NELL1: variants seen among roughly 807,000 people sequenced by gnomAD.
NELL1 encodes the protein protein kinase C-binding protein NELL1.
In NELL1, 76 loss-of-function variants were observed where a neutral mutation model predicts 107.4. The ratio of observed to expected loss-of-function variants is 0.71; its 90% confidence interval spans 0.59 to 0.86. The LOEUF (loss-of-function observed/expected upper bound fraction) is 0.86. Among genes scored for constraint, NELL1 ranks in the 40% least tolerant of loss-of-function variants. The pLI, the probability that NELL1 is intolerant of heterozygous loss-of-function variation, is 0.00. For missense variants in NELL1, 1,024 were observed against 1,005.5 expected, an observed-to-expected ratio of 1.02 and a Z score of -0.25; for synonymous variants, 353 against 341.2, an observed-to-expected ratio of 1.03 and a Z score of -0.38.
At chr11:20,740,329 A>G (rs1855862346) in intron 2 of NELL1, among the ~76,000 whole-genome samples, 1 of 152,210 alleles carries the variant, frequency 6.6e-6, no homozygotes, top group African/African-American at 2.4e-5. Context: ...GGATGAAGAC[A>G]GACTGAGCAG....
intron 15 of NELL1, among the ~76,000 whole-genome samples, chr11:21,421,411 AC>A (rs1417790782): frequency 2.0e-5 from 3 of 152,118 alleles, no homozygotes; most frequent in African/African-American, 7.2e-5. Flanking sequence ...ACTCTGTGGC[AC>A]ATGCATGTGT....
chr11:21,052,208 T>C (rs1375314226), intron 12 of NELL1, among the ~76,000 whole-genome samples: 2 of 151,684 alleles, frequency 1.3e-5, no homozygotes, highest in African/African-American at 4.8e-5. Context: ...TGGGGGAAAG[T>C]GGGATGTGAA....
intron 2 of NELL1, among the ~76,000 whole-genome samples, chr11:20,724,990 GAA>G (rs1564881054): frequency 1.3e-5 from 2 of 152,206 alleles, no homozygotes; most frequent in African/African-American, 2.4e-5. Context: ...TGGCAGGAGA[GAA>G]AGAGAATGAG....
intron 14 of NELL1, among the ~76,000 whole-genome samples, chr11:21,321,048 A>G (rs1849998305): frequency 6.6e-6 from 1 of 152,178 alleles, no homozygotes; most frequent in Admixed American, 6.5e-5. Flanking sequence ...CTTTGACATT[A>G]ATTTCCACAG....
intron 3 of NELL1, among the ~76,000 whole-genome samples, 184 bp from the exon 4 acceptor site, chr11:20,847,399 G>T (rs556267596): frequency 6.6e-6 from 1 of 152,184 alleles, no homozygotes; most frequent in Non-Finnish European, 1.5e-5. Flanking sequence ...ATGTTGCCAC[G>T]AGGGTTCTCA....
intron 14 of NELL1, among the ~76,000 whole-genome samples, chr11:21,369,362 A>ATTTTTT (rs34302489): frequency 2.7e-5 from 3 of 110,410 alleles, no homozygotes; most frequent in African/African-American, 3.3e-5. Context: ...GGTAGGTACT[A>ATTTTTT]TTTTTTTTTT....
chr11:21,119,582 A>G (rs1015396575), intron 13 of NELL1, among the ~76,000 whole-genome samples: 1 of 151,970 alleles, frequency 6.6e-6, no homozygotes, highest in African/African-American at 2.4e-5. Flanking sequence ...TTGGCCTTTG[A>G]AAGGGTGAAA....
In NELL1 at chr11:21,039,030, G is replaced by A. The variant is rs77733595; in HGVS notation, c.1301-74559G>A. ...CCACTTTGAGTAACACTGGGTTAGA[G>A]GATGAAGAAGGATCAAAAAGATCAA... On this transcript the variant is annotated intron_variant, in intron 12 of 19. Transcript: ENST00000357134. Among the ~76,000 whole-genome samples the A allele has an allele frequency of 8.6e-3, 1,307 of 152,194 alleles. 15 individuals are homozygous for A. The highest frequency in any genetic ancestry group is 0.014 in the Middle Eastern group (4 of 294).
At chr11:21,115,893 C>T (rs1034947912) in intron 13 of NELL1, among the ~76,000 whole-genome samples, 7 of 151,984 alleles carry the variant, frequency 4.6e-5, no homozygotes, top group African/African-American at 1.7e-4. Context: ...TGTGGATTTT[C>T]ATAGGTCACA....
At chr11:21,122,934 G>A (rs1030259098) in intron 13 of NELL1, among the ~76,000 whole-genome samples, 20 of 152,182 alleles carry the variant, frequency 1.3e-4, no homozygotes, top group Admixed American at 2.0e-4. Flanking sequence ...AATCCTCAGT[G>A]GAACAGATTC....
At chr11:21,463,395 G>A in intron 15 of NELL1, among the ~76,000 whole-genome samples, 1 of 152,028 alleles carries the variant, frequency 6.6e-6, no homozygotes, top group East Asian at 1.9e-4. Context: ...CATCAATCAG[G>A]GTCAAAGAAT....
chr11:21,079,748 C>A (rs773059977), intron 12 of NELL1, among the ~76,000 whole-genome samples: 4 of 152,056 alleles, frequency 2.6e-5, no homozygotes, highest in Non-Finnish European at 4.4e-5. Flanking sequence ...AAATTCATAT[C>A]TTTGCATATT....
chr11:20,933,252 G>A (rs1480002257), intron 9 of NELL1, among the ~76,000 whole-genome samples: 1 of 152,216 alleles, frequency 6.6e-6, no homozygotes, highest in East Asian at 1.9e-4. Context: ...AAGGATGTGG[G>A]TGACAGCCAA....
chr11:20,779,220 A>G (rs942425286), intron 2 of NELL1, among the ~76,000 whole-genome samples: 9 of 152,208 alleles, frequency 5.9e-5, no homozygotes, highest in African/African-American at 2.2e-4. Context: ...ATGGATGTCA[A>G]TGATGGGTGT....
chr11:21,359,887 G>C (rs1012804152), intron 14 of NELL1, among the ~76,000 whole-genome samples: 3 of 151,798 alleles, frequency 2.0e-5, no homozygotes, highest in African/African-American at 7.3e-5. Context: ...CTTCTTTCTT[G>C]GTTAATATCA....
chr11:21,061,037 A>T (rs1020841553), intron 12 of NELL1, among the ~76,000 whole-genome samples: 6 of 152,078 alleles, frequency 3.9e-5, no homozygotes, highest in Non-Finnish European at 5.9e-5. Context: ...GCCTGGCCCC[A>T]CCCTTTCTTT....
intron 1 of NELL1, among the ~76,000 whole-genome samples, chr11:20,676,184 C>A (rs985743132): frequency 1.4e-4 from 21 of 152,264 alleles, no homozygotes; most frequent in African/African-American, 5.1e-4. Flanking sequence ...TTCCTCCCAT[C>A]TTGCCTTTTC....
chr11:21,254,319 T>C (rs1324898938), intron 14 of NELL1, among the ~76,000 whole-genome samples: 9 of 151,986 alleles, frequency 5.9e-5, no homozygotes, highest in African/African-American at 2.2e-4. Context: ...AATATGATGA[T>C]AGAAAAAAGC....
Position 20,772,332 on chromosome 11 carries a change from T to C in NELL1, c.185-11348T>C, listed in dbSNP as rs548804665. Among the ~76,000 whole-genome samples the C allele has an allele frequency of 4.6e-5, 7 of 152,270 alleles. No homozygotes were observed. In the South Asian group the frequency reaches 1.5e-3, roughly 32 times the overall value. Reference sequence around the variant, plus strand: ...GGACTAGGGAAGCCAAACAGAAATATACACAATAAGCTACAAAGTTGGAGT... The same window carrying C: ...GGACTAGGGAAGCCAAACAGAAATACACACAATAAGCTACAAAGTTGGAGT... On this transcript the variant is annotated intron_variant, in intron 2 of 19. Coordinates refer to ENST00000357134, the MANE Select transcript of NELL1 (RefSeq NM_006157.5).
Sources: gnomAD v4.1 joint callset for allele counts (sites outside exome capture counted in the v4.1 genomes callset) on GRCh38, gnomAD v4.1.1 for gene constraint, MANE v1.5 for transcripts, NCBI Gene and HGNC (gene_info 2026-07-23, HGNC 2026-07-21) for gene names.